Variants in FANCC observed in about 807,000 individuals in gnomAD.
FANCC encodes the protein Fanconi anemia group C protein.
A neutral mutation model predicts 71.3 loss-of-function variants in FANCC; 55 were observed. The observed-to-expected ratio is 0.77, with a 90% CI of 0.62 to 0.97. The LOEUF is 0.97. Among genes scored for constraint, FANCC ranks in the 50% least tolerant of loss-of-function variants. The probability of loss-of-function intolerance (pLI) is 0.00; values close to 1 mark genes in which losing one functional copy is unlikely to be tolerated. For missense variants in FANCC, 678 were observed against 670.9 expected, an observed-to-expected ratio of 1.01 and a Z score of -0.12; for synonymous variants, 275 against 244.9, an observed-to-expected ratio of 1.12 and a Z score of -1.15.
chr9:95,159,922 T>A (rs1158718205), intron 6 of FANCC, among the ~76,000 whole-genome samples: 1 of 152,254 alleles, frequency 6.6e-6, no homozygotes, highest in Non-Finnish European at 1.5e-5. Context: ...AGATTCTGGA[T>A]ATTAGCCCTT....
In FANCC at chr9:95,230,137, AG is replaced by A. The variant is rs1829910134; in HGVS notation, c.345+10511del. Among the ~76,000 whole-genome samples the A allele has an allele frequency of 2.6e-5, 4 of 152,170 alleles. No homozygotes were observed. The South Asian group carries it at 8.3e-4, about 32-fold the overall frequency. On this transcript the variant is annotated intron_variant, in intron 4 of 14. Transcript: ENST00000289081. ...AAGTTTGCCATTCAGAAATCAATGC[AG>A]GTATTTCTTTAAAGCCACAATGAAG...
chr9:95,135,910 C>T (rs923317659), intron 7 of FANCC, among the ~76,000 whole-genome samples: 2 of 152,166 alleles, frequency 1.3e-5, no homozygotes, highest in Admixed American at 6.5e-5. Flanking sequence ...TCGGTCCCAG[C>T]GCCACTGCCT....
chr9:95,199,865 G>T (rs558572184), intron 4 of FANCC, among the ~76,000 whole-genome samples: 1 of 152,104 alleles, frequency 6.6e-6, no homozygotes, highest in Non-Finnish European at 1.5e-5. Flanking sequence ...ACAACAGAGA[G>T]GACATTTATT....
intron 4 of FANCC, among the ~76,000 whole-genome samples, chr9:95,212,408 C>A (rs1828561897): frequency 6.6e-6 from 1 of 152,062 alleles, no homozygotes. Context: ...AAAATGACAA[C>A]AGCCTTCTCA....
At chr9:95,166,936 C>T (rs1229683866) in intron 6 of FANCC, among the ~76,000 whole-genome samples, 1 of 152,136 alleles carries the variant, frequency 6.6e-6, no homozygotes, top group Non-Finnish European at 1.5e-5. Context: ...TGCTAATATT[C>T]TTTCATTTCA....
chr9:95,175,132 C>G lies in FANCC; in HGVS notation c.346-2985G>C, dbSNP rs117773183. 3.3e-3 allele frequency among the ~76,000 whole-genome samples: 504 copies of G among 152,218 alleles called. 9 individuals are homozygous for G. The East Asian group carries it at 0.043, about 13-fold the overall frequency. On this transcript the variant is annotated intron_variant, in intron 4 of 14. Transcript: ENST00000289081. ...CATGTACTTTCTCCCTGTGAGCTCACCCCTGCCTCCGTATCCTTAAAAGAG... is the reference window on the plus strand; with the variant it reads ...CATGTACTTTCTCCCTGTGAGCTCAGCCCTGCCTCCGTATCCTTAAAAGAG...
At chr9:95,260,606 G>A (rs886186527) in intron 1 of FANCC, among the ~76,000 whole-genome samples, 4 of 150,542 alleles carry the variant, frequency 2.7e-5, no homozygotes, top group Non-Finnish European at 5.9e-5. Context: ...AGGTTGATGG[G>A]TGCAGGAAAC....
rs188217419 is a variant in FANCC at position 95,304,165 on chromosome 9, A to T, written c.-79+13361T>A. 6.5e-4 allele frequency among the ~76,000 whole-genome samples: 99 copies of T among 152,360 alleles called. No individual in the cohort carries two copies. In the East Asian group the frequency reaches 0.017, roughly 26 times the overall value. ...ATTCAACAGGCAGTGACTAGAAATA[A>T]TTCATCTCCCACACATTCTGCTTTA... On this transcript the variant is annotated intron_variant, in intron 1 of 14. Coordinates refer to ENST00000289081, the MANE Select transcript of FANCC (RefSeq NM_000136.3).
At chr9:95,145,722 A>G (rs932721289) in intron 7 of FANCC, among the ~76,000 whole-genome samples, 3 of 152,138 alleles carry the variant, frequency 2.0e-5, no homozygotes, top group African/African-American at 7.2e-5. Context: ...AGGTAACAAA[A>G]CAGGCCTGAC....
rs1272581467 is a variant in FANCC, at chr9:95,260,793, G to A, written c.-78-11424C>T. 3.3e-5 allele frequency among the ~76,000 whole-genome samples: 5 copies of A among 152,052 alleles called. No homozygotes were observed. In the East Asian group the frequency reaches 9.7e-4, roughly 29 times the overall value. On this transcript the variant is annotated intron_variant, in intron 1 of 14. Transcript: ENST00000289081. ...TAGTTTATAAATGTGAATAAAGATG[G>A]ACAGTACTTGATGAATACAACAAAA...
intron 10 of FANCC, among the ~76,000 whole-genome samples, chr9:95,117,723 A>ATTT (rs33935721): frequency 2.9e-5 from 4 of 136,820 alleles, no homozygotes; most frequent in African/African-American, 5.4e-5. Flanking sequence ...GTATTTCAGC[A>ATTT]TTTTTTTTTT....
At chr9:95,172,772 T>TA (rs1825767940) in intron 4 of FANCC, among the ~76,000 whole-genome samples, 1 of 152,116 alleles carries the variant, frequency 6.6e-6, no homozygotes. Context: ...GAGATAAATG[T>TA]AAAAATGAAA....
At chr9:95,164,182 T>C (rs1177037333) in intron 6 of FANCC, among the ~76,000 whole-genome samples, 1 of 152,234 alleles carries the variant, frequency 6.6e-6, no homozygotes, top group Non-Finnish European at 1.5e-5. Flanking sequence ...CTTTTAGGAT[T>C]ATTAACATAT....
chr9:95,215,754 G>C (rs374057510), intron 4 of FANCC, among the ~76,000 whole-genome samples: 1 of 152,202 alleles, frequency 6.6e-6, no homozygotes, highest in Admixed American at 6.5e-5. Context: ...AGCCTCATTT[G>C]AGGAACCAGC....
chr9:95,261,814 G>A (rs768423105), intron 1 of FANCC, among the ~76,000 whole-genome samples: 4 of 152,234 alleles, frequency 2.6e-5, no homozygotes, highest in Non-Finnish European at 5.9e-5. Context: ...ACAGAAGGCA[G>A]TGTCCAGTGA....
intron 3 of FANCC, among the ~76,000 whole-genome samples, chr9:95,247,211 G>A (rs1295837101): frequency 1.6e-5 from 2 of 125,278 alleles, no homozygotes; most frequent in African/African-American, 3.2e-5. Context: ...GTGCGTGCAC[G>A]CGTGTGTGTG....
rs191117785 is a variant in FANCC, at chr9:95,302,642, G to A, written c.-79+14884C>T. On this transcript the variant is annotated intron_variant, in intron 1 of 14. Transcript: ENST00000289081. ...ACTCACCAGTGCTCAGTAGAGCAGT[G>A]GGGTTCTGACAGTTCCTTCTAAAGC... Among the ~76,000 whole-genome samples, 123 of 152,294 alleles carry A rather than the reference G, an allele frequency of 8.1e-4. 1 individual carries two copies. The East Asian group carries it at 0.011, about 13-fold the overall frequency.
At chr9:95,226,657 G>A (rs530884767) in intron 4 of FANCC, among the ~76,000 whole-genome samples, 6 of 152,210 alleles carry the variant, frequency 3.9e-5, no homozygotes, top group African/African-American at 1.2e-4. Context: ...ACAAAACCTC[G>A]GCATTCCTTC....
chr9:95,099,097 A>G lies in FANCC; in HGVS notation c.*2610T>C, dbSNP rs1199999844. ...TTTATTTAGAATGAAAAAATAGACAACAAATTACAGATTTTAAAGAGCTAA... is the reference window on the plus strand; with the variant it reads ...TTTATTTAGAATGAAAAAATAGACAGCAAATTACAGATTTTAAAGAGCTAA... On this transcript the variant is annotated 3_prime_UTR_variant, in exon 15 of 15. Coordinates refer to ENST00000289081, the MANE Select transcript of FANCC (RefSeq NM_000136.3). The G allele has an allele frequency of 1.5e-5, 3 of 197,798 alleles. No individual in the cohort carries two copies. Among genetic ancestry groups the G allele is most frequent in the African/African-American group, 6.9e-5 (3 of 43,252 alleles). The allele number at this position is 197,798 out of a possible 1,614,324, so 12.3% of individuals were successfully genotyped here.
Sources: allele counts gnomAD v4.1 joint callset (sites outside exome capture counted in the v4.1 genomes callset), GRCh38; gene constraint gnomAD v4.1.1; transcripts MANE v1.5; gene names NCBI Gene and HGNC (gene_info 2026-07-23, HGNC 2026-07-21).